ADGRG5: variants seen among roughly 807,000 people sequenced by gnomAD.
ADGRG5 encodes G protein-coupled receptor 114.
Under a neutral mutation model 53.2 loss-of-function variants are expected in ADGRG5, and 37 were observed. The observed-to-expected ratio is 0.70, with a 90% CI of 0.53 to 0.91. The LOEUF is 0.91. ADGRG5 is among the 40% of genes least tolerant of loss of function. The pLI, the probability that ADGRG5 is intolerant of heterozygous loss-of-function variation, is 0.00. For missense variants in ADGRG5, 614 were observed against 675.8 expected, an observed-to-expected ratio of 0.91 and a Z score of 1.01; for synonymous variants, 277 against 290.4, an observed-to-expected ratio of 0.95 and a Z score of 0.47.
the ADGRG5 span, among the ~76,000 whole-genome samples, chr16:57,535,339 T>C: frequency 6.6e-6 from 1 of 152,242 alleles, no homozygotes; most frequent in Middle Eastern, 3.4e-3. Flanking sequence ...AGCCCCATCT[T>C]AGACTGAGGA....
intron 1 of ADGRG5, among the ~76,000 whole-genome samples, chr16:57,548,437 C>T (rs765390992): frequency 1.2e-4 from 18 of 151,958 alleles, no homozygotes; most frequent in Admixed American, 4.6e-4. Context: ...TTATGTATGC[C>T]GGTTCTTTGG....
chr16:57,537,568 G>C, the ADGRG5 span, among the ~76,000 whole-genome samples: 1 of 152,102 alleles, frequency 6.6e-6, no homozygotes, highest in African/African-American at 2.4e-5. Context: ...CTTCTGAACT[G>C]GTTTTTGCAG....
the ADGRG5 span, chr16:57,536,717 GGGGCTCCAGCCTAA>G: frequency 6.6e-6 from 1 of 152,204 alleles, no homozygotes; most frequent in African/African-American, 2.4e-5. Flanking sequence ...TGCTGGGGTG[GGGGCTCCAGCCTAA>G]CTTCGGGGCG....
chr16:57,575,061 G>C lies in ADGRG5; in HGVS notation c.1455G>C (p.Leu485=), dbSNP rs1334616121. 6.2e-7 allele frequency: 1 copy of C among 1,613,778 alleles called. No homozygotes were observed. Among genetic ancestry groups the C allele is most frequent in the Middle Eastern group, 1.7e-4 (1 of 6,052 alleles). The part of the protein sequence containing the change: ...FSFGVFLLPQ[L]FLFTILNSLY... ...TTGGCGTCTTCCTGCTGCCCCAGCT[G>C]TTCCTCTTCACCATCTTAAACTCGC... is the stretch of plus-strand genomic sequence containing the variant. Residue 485 remains leucine, a synonymous_variant, in exon 11 of 12, where the codon CTG becomes CTC. Coordinates refer to ENST00000349457, the MANE Select transcript of ADGRG5 (RefSeq NM_001304376.3).
chr16:57,575,836 G>A lies in ADGRG5; in HGVS notation c.*298G>A, dbSNP rs2033502875. 5.2e-6 allele frequency: 2 copies of A among 384,542 alleles called. No homozygotes were observed. Among genetic ancestry groups the A allele is most frequent in the African/African-American group, 4.0e-5 (2 of 49,426 alleles). 23.8% of individuals were successfully genotyped at this position (384,542 alleles called of 1,614,324 possible). On this transcript the variant is annotated 3_prime_UTR_variant, in exon 12 of 12. Transcript: ENST00000349457. ...AGAGCACCAGCCTGGGCATCAGGAA[G>A]CCAAGTTTCAAGGACTGTCTTTGAG...
rs764477727 is a variant in ADGRG5 at position 57,562,409 on chromosome 16, C to T, written c.90C>T (p.Tyr30=). The T allele has an allele frequency of 4.4e-6, 7 of 1,607,664 alleles. No individual in the cohort carries two copies. Among genetic ancestry groups the T allele is most frequent in the Non-Finnish European group, 5.9e-6 (7 of 1,177,740 alleles). Reference sequence around the variant, plus strand: ...AGACATGGGAAGAACTCCTGAGCTACATGGAGAATATGCAGGTGTCCAGGG... The same window carrying T: ...AGACATGGGAAGAACTCCTGAGCTATATGGAGAATATGCAGGTGTCCAGGG... ...TTETWEELLS[Y]MENMQVSRGR... Residue 30 remains tyrosine (Y), a synonymous_variant, in exon 3 of 12, where the codon TAC becomes TAT. Coordinates refer to ENST00000349457, the MANE Select transcript of ADGRG5 (RefSeq NM_001304376.3).
At chr16:57,529,969 G>C in the ADGRG5 span, among the ~76,000 whole-genome samples, 1 of 152,160 alleles carries the variant, frequency 6.6e-6, no homozygotes, top group Non-Finnish European at 1.5e-5. The surrounding 1 kb of genome is among the most constrained non-coding windows in gnomAD (Gnocchi z 4.1). Flanking sequence ...AGGGCTTTAG[G>C]TGAACGATCT....
At chr16:57,533,402 C>T in the ADGRG5 span, among the ~76,000 whole-genome samples, 1 of 152,020 alleles carries the variant, frequency 6.6e-6, no homozygotes, top group African/African-American at 2.4e-5. Context: ...CCTTGCAACG[C>T]CTCCCCCTAC....
chr16:57,567,794 C>T, intron 8 of ADGRG5, 62 bp from the exon 9 acceptor site: 1 of 1,549,336 alleles, frequency 6.5e-7, no homozygotes, highest in Non-Finnish European at 8.7e-7. Context: ...CCTATGCACC[C>T]AGTGGGTAGT....
chr16:57,536,228 G>T, the ADGRG5 span, among the ~76,000 whole-genome samples: 7 of 141,302 alleles, frequency 5.0e-5, no homozygotes, highest in African/African-American at 1.8e-4. Flanking sequence ...CGTCCGGCCC[G>T]GGCCGCGGCA....
intron 10 of ADGRG5, among the ~76,000 whole-genome samples, chr16:57,571,445 G>A (rs544053278): frequency 6.6e-6 from 1 of 152,194 alleles, no homozygotes; most frequent in South Asian, 2.1e-4. Flanking sequence ...CAGGGCCGGG[G>A]GACTGCGTGC....
At chr16:57,556,908 C>CTTTTTTTTTTTTTTTTTTTT (rs35948606) in intron 1 of ADGRG5, among the ~76,000 whole-genome samples, 7 of 115,782 alleles carry the variant, frequency 6.0e-5, no homozygotes, top group African/African-American at 2.6e-4. Context: ...TTGCCTTCTT[C>CTTTTTTTTTTTTTTTTTTTT]TTTTTTTTTT....
chr16:57,548,711 G>C (rs1333398822), intron 1 of ADGRG5, among the ~76,000 whole-genome samples: 1 of 123,172 alleles, frequency 8.1e-6, no homozygotes, highest in Non-Finnish European at 1.6e-5. Flanking sequence ...GCAACATTTT[G>C]AGATTGGCTT....
At chr16:57,571,731 C>T (rs1164459525) in intron 10 of ADGRG5, among the ~76,000 whole-genome samples, 2 of 149,086 alleles carry the variant, frequency 1.3e-5, no homozygotes, top group East Asian at 4.0e-4. Flanking sequence ...TCTCGGCTCA[C>T]TGCAACCTCT....
intron 6 of ADGRG5, 111 bp downstream of exon 6, chr16:57,565,261 C>A: frequency 1.5e-6 from 1 of 660,336 alleles, no homozygotes. Context: ...GGAAATCCAT[C>A]ACACTTTGAA....
chr16:57,565,417 G>GC, intron 6 of ADGRG5: 4 of 465,826 alleles, frequency 8.6e-6, no homozygotes, highest in South Asian at 4.9e-5. Context: ...ATGTCTAGAG[G>GC]TGATCCACCA....
At chr16:57,546,406 A>T (rs1377582137) in intron 1 of ADGRG5, among the ~76,000 whole-genome samples, 2 of 152,118 alleles carry the variant, frequency 1.3e-5, no homozygotes, top group Non-Finnish European at 2.9e-5. Flanking sequence ...GATTACAGGT[A>T]TGAGCTACCA....
chr16:57,553,539 A>G (rs2032801327), intron 1 of ADGRG5, among the ~76,000 whole-genome samples: 1 of 152,210 alleles, frequency 6.6e-6, no homozygotes. Context: ...ATTCATCTCT[A>G]TATCTGTCCT....
At chr16:57,557,111 T>C (rs2032901979) in intron 1 of ADGRG5, among the ~76,000 whole-genome samples, 1 of 152,080 alleles carries the variant, frequency 6.6e-6, no homozygotes, top group Non-Finnish European at 1.5e-5. Flanking sequence ...GTTTTTGCCA[T>C]GTTGGCCAGG....
Sources: allele counts gnomAD v4.1 joint callset (sites outside exome capture counted in the v4.1 genomes callset), GRCh38; gene constraint gnomAD v4.1.1; non-coding constraint Gnocchi (gnomAD v3.1); transcripts MANE v1.5; gene names NCBI Gene and HGNC (gene_info 2026-07-23, HGNC 2026-07-21).